C1RL: variants seen among roughly 807,000 people sequenced by gnomAD.
The protein encoded by C1RL is complement C1r subcomponent like, also known as complement C1r subcomponent-like protein.
Under a neutral mutation model 27.9 loss-of-function variants are expected in C1RL, and 27 were observed. That is an observed-to-expected ratio of 0.97 (90% CI 0.71 to 1.33). The LOEUF (loss-of-function observed/expected upper bound fraction) is 1.33. Ranked by LOEUF, C1RL falls within the 40% of genes most tolerant of loss-of-function variation. The pLI is 0.00. For missense variants in C1RL, 563 were observed against 623.9 expected (o/e 0.90, Z 1.04); for synonymous variants, 248 against 252.1 (o/e 0.98, Z 0.15).
At position 7,101,848 on chromosome 12, in the gene C1RL, A is replaced by G. The variant is rs751466681; in HGVS notation, c.490+50T>C. ...CTTAAGGCTTGAAGATACCAGGGTC[A>G]TGGCTGGGAACAGAGGCTCCCTCCC... On this transcript the variant is annotated intron_variant, in intron 3 of 5. Transcript: ENST00000266542. 4 of 1,578,666 alleles carry G rather than the reference A, an allele frequency of 2.5e-6. No individual in the cohort carries two copies. In the Admixed American group the frequency reaches 5.0e-5, roughly 20 times the overall value.
rs1478815767 is a variant in C1RL, at chr12:7,095,613, A to T, written c.*778T>A. On this transcript the variant is annotated 3_prime_UTR_variant, in exon 6 of 6. Transcript: ENST00000266542. ...TTCGCAGAAGCAGGAATTCCCAGGG[A>T]GGGAAAATGGTAAGGATGTGGGGGC... is the stretch of plus-strand genomic sequence containing the variant. 3 of 985,826 alleles carry T rather than the reference A, an allele frequency of 3.0e-6. No homozygotes were observed. Among genetic ancestry groups the T allele is most frequent in the Non-Finnish European group, 3.6e-6 (3 of 830,292 alleles). The allele number at this position is 985,826 out of a possible 1,614,324, so 61.1% of individuals were successfully genotyped here. A position where few individuals can be genotyped will look rare whatever the true frequency, so the allele number is the denominator to read the frequency against.
Position 7,096,268 on chromosome 12 carries a change from G to T in C1RL, c.*123C>A. 3 of 1,415,484 alleles carry T rather than the reference G, an allele frequency of 2.1e-6. No individual in the cohort carries two copies. Among genetic ancestry groups the T allele is most frequent in the Non-Finnish European group, 2.8e-6 (3 of 1,088,658 alleles). The allele number at this position is 1,415,484 out of a possible 1,614,324, so 87.7% of individuals were successfully genotyped here. A position where few individuals can be genotyped will look rare whatever the true frequency, so the allele number is the denominator to read the frequency against. ...CTTGGTGCAACAGTGATGTGAATAG[G>T]ATTTCCCTGCCTCCCCCAACCCCCC... On this transcript the variant is annotated 3_prime_UTR_variant, in exon 6 of 6. Coordinates refer to ENST00000266542, the MANE Select transcript of C1RL (RefSeq NM_016546.4).
intron 2 of C1RL, among the ~76,000 whole-genome samples, chr12:7,103,954 G>A (rs1938693950): frequency 6.6e-6 from 1 of 152,188 alleles, no homozygotes; most frequent in African/African-American, 2.4e-5. Flanking sequence ...ATAAATGCAT[G>A]CATATATTTC....
rs774237274 is a variant in C1RL at position 7,099,742 on chromosome 12, G to A, written c.635C>T (p.Thr212Ile). 1.3e-6 allele frequency: 2 copies of A among 1,575,638 alleles called. No homozygotes were observed. The highest frequency in any genetic ancestry group is 2.3e-5 in the East Asian group (1 of 43,460). Residue 212 changes from threonine to isoleucine, a missense_variant, in exon 5 of 6, where the codon ACC (threonine) becomes ATC (isoleucine). By Grantham distance (89) the Thr-to-Ile change is moderately conservative. Coordinates refer to ENST00000266542, the MANE Select transcript of C1RL (RefSeq NM_016546.4). ...CTGTCTGTCTTTCCAGGTCCCTGGG[G>A]TTGCACAGGTGAGTGCCCCTGTGGC... ...AAAAGALTCA[T>I]PGTWKDRQDG... is the part of the protein sequence containing the mutation.
chr12:7,106,222 C>T (rs1187500274), intron 2 of C1RL, among the ~76,000 whole-genome samples: 1 of 151,888 alleles, frequency 6.6e-6, no homozygotes, highest in Non-Finnish European at 1.5e-5. Context: ...AACTTCTTAA[C>T]AAAGTCTAGA....
intron 3 of C1RL, among the ~76,000 whole-genome samples, chr12:7,100,314 T>C (rs1938580823): frequency 6.6e-6 from 1 of 152,206 alleles, no homozygotes; most frequent in Non-Finnish European, 1.5e-5. Context: ...AAATTTAAAA[T>C]GCAAATATTT....
chr12:7,108,976 TGTGTGTGTGTGTGGGG>T lies in C1RL; in HGVS notation c.71+118_71+133del, dbSNP rs1163049686. 5.0e-3 allele frequency: 1,077 copies of T among 215,464 alleles called. 25 individuals are homozygous for T. Among genetic ancestry groups the T allele is most frequent in the African/African-American group, 4.6e-3 (46 of 9,984 alleles). The allele number at this position is 215,464 out of a possible 1,614,324, so 13.3% of individuals were successfully genotyped here. A position where few individuals can be genotyped will look rare whatever the true frequency, so the allele number is the denominator to read the frequency against. The stretch of plus-strand genomic sequence containing the variant: ...TGTGTATGTGGGGGAGGTGTGTGTG[TGTGTGTGTGTGTGGGG>T]GGGGGGGGGATGTGTGTGTGGGGGG... On this transcript the variant is annotated intron_variant, in intron 1 of 5. Transcript: ENST00000266542.
At chr12:7,101,867 C>T in intron 3 of C1RL, 31 bp downstream of exon 3, 1 of 1,607,614 alleles carries the variant, frequency 6.2e-7, no homozygotes, top group Non-Finnish European at 8.5e-7. Context: ...AACAGAGGCT[C>T]CCTCCCTGCA....
At chr12:7,097,676 C>G (rs1057177924) in intron 5 of C1RL, among the ~76,000 whole-genome samples, 1 of 152,202 alleles carries the variant, frequency 6.6e-6, no homozygotes, top group Non-Finnish European at 1.5e-5. Context: ...GGGCACCCAT[C>G]CTGCATGGGA....
chr12:7,097,055 C>A lies in C1RL; in HGVS notation c.800G>T (p.Arg267Leu), dbSNP rs1051317100. The A allele has an allele frequency of 1.2e-6, 2 of 1,614,136 alleles. No homozygotes were observed. Among genetic ancestry groups the A allele is most frequent in the African/African-American group, 2.7e-5 (2 of 75,022 alleles). ...GTCCCCCAGCAGGGCCCCGCCCCCA[C>A]GGCCGTGGATACTGGTGAAGGCTTG... ...PWQAFTSIHG[R>L]GGGALLGDRW... The change falls in exon 6 of 6, where the codon CGT (arginine) becomes CTT (leucine). Residue 267 changes from arginine (R) to leucine (L), a missense_variant. Transcript: ENST00000266542.
chr12:7,096,044 A>T lies in C1RL; in HGVS notation c.*347T>A. 9.4e-7 allele frequency: 1 copy of T among 1,059,976 alleles called. No individual in the cohort carries two copies. Among genetic ancestry groups the T allele is most frequent in the Non-Finnish European group, 1.1e-6 (1 of 878,748 alleles). 65.7% of individuals were successfully genotyped at this position (1,059,976 alleles called of 1,614,324 possible). On this transcript the variant is annotated 3_prime_UTR_variant, in exon 6 of 6. Coordinates refer to ENST00000266542, the MANE Select transcript of C1RL (RefSeq NM_016546.4). The stretch of plus-strand genomic sequence containing the variant: ...GTAGCTGACTCTTCCACAGGTGAGT[A>T]TAAAAGCTGTGTCAACAGATGAAGT...
chr12:7,096,598 C>CAT lies in C1RL; in HGVS notation c.1255_1256dup (p.Met419IlefsTer43). The CAT allele has an allele frequency of 5.6e-6, 9 of 1,614,160 alleles. No individual in the cohort carries two copies. Among genetic ancestry groups the CAT allele is most frequent in the Non-Finnish European group, 7.6e-6 (9 of 1,180,038 alleles). On this transcript the variant is annotated frameshift_variant, in exon 6 of 6. Transcript: ENST00000266542. LOFTEE classifies it low-confidence loss of function (END_TRUNC). ...TTTGCGTCTCATCCCCAACACAGAA[C>CAT]ATATTGTCAGAAAACACCTCGGGTC...
chr12:7,096,280 T>TGGGCCCCCCC lies in C1RL; in HGVS notation c.*110_*111insGGGGGGGCCC. 7.1e-6 allele frequency: 7 copies of TGGGCCCCCCC among 992,710 alleles called. No individual in the cohort carries two copies. Among genetic ancestry groups the TGGGCCCCCCC allele is most frequent in the African/African-American group, 2.4e-5 (1 of 40,974 alleles). The allele number at this position is 992,710 out of a possible 1,614,324, so 61.5% of individuals were successfully genotyped here. On this transcript the variant is annotated 3_prime_UTR_variant, in exon 6 of 6. Transcript: ENST00000266542. ...GTGATGTGAATAGGATTTCCCTGCCTCCCCCAACCCCCCACCCCCAACCCC... is the reference window on the plus strand; with the variant it reads ...GTGATGTGAATAGGATTTCCCTGCCTGGGCCCCCCCCCCCCAACCCCCCACCCCCAACCCC...
Position 7,104,606 on chromosome 12 carries a change from C to T in C1RL, c.301-2519G>A, listed in dbSNP as rs116742926. ...GTGAGTGAGTATGAGTGTGTGAGTG[C>T]GTCCTGAAACAGGATGGTGTCCTGT... On this transcript the variant is annotated intron_variant, in intron 2 of 5. Transcript: ENST00000266542. The surrounding 1 kb of genome is among the most constrained non-coding windows in gnomAD (Gnocchi z 5.4). Among the ~76,000 whole-genome samples the T allele has an allele frequency of 7.6e-3, 1,151 of 152,286 alleles. 7 individuals carry two copies. The highest frequency in any genetic ancestry group is 0.027 in the Middle Eastern group (8 of 294).
Position 7,096,853 on chromosome 12 carries a change from A to C in C1RL, c.1002T>G (p.His334Gln). The C allele has an allele frequency of 6.2e-7, 1 of 1,602,986 alleles. No homozygotes were observed. The highest frequency in any genetic ancestry group is 8.5e-7 in the Non-Finnish European group (1 of 1,173,768). ...VHPDYRQNESHNFSGDIALLE... is the reference protein window; with the variant it reads ...VHPDYRQNESQNFSGDIALLE... ...GGAGGGCGATGTCCCCGCTAAAGTT[A>C]TGGGACTCATTCTGACGGTAGTCGG... The change falls in exon 6 of 6, where the codon CAT (histidine) becomes CAG (glutamine). Residue 334 changes from histidine (H) to glutamine (Q), a missense_variant. Physicochemically the swap from His to Gln is conservative, Grantham distance 24. Transcript: ENST00000266542.
At position 7,096,960 on chromosome 12, in the gene C1RL, C is replaced by T. The variant is rs753727531; in HGVS notation, c.895G>A (p.Val299Met). 1 of 1,613,640 alleles carries T rather than the reference C, an allele frequency of 6.2e-7. No homozygotes were observed. The highest frequency in any genetic ancestry group is 8.5e-7 in the Non-Finnish European group (1 of 1,179,692). The change falls in exon 6 of 6, where the codon GTG (valine) becomes ATG (methionine). Residue 299 changes from valine to methionine, a missense_variant. Physicochemically the swap from Val to Met is conservative, Grantham distance 21. Coordinates refer to ENST00000266542, the MANE Select transcript of C1RL (RefSeq NM_016546.4). ...GCTGTGTGGCCCAAGAACACATTCA[C>T]ACTCTGGTTCTTCCTGAGAGAAACA... is the stretch of plus-strand genomic sequence containing the variant. ...DSVSLRKNQS[V>M]NVFLGHTAID...
Position 7,096,307 on chromosome 12 carries a change from A to ACC in C1RL, c.*82_*83dup. ...CCCCAACCCCCCACCCCCAACCCCTACCCCAGTGTTCAGTCCTCACTCCAG... is the reference window on the plus strand; with the variant it reads ...CCCCAACCCCCCACCCCCAACCCCTACCCCCCAGTGTTCAGTCCTCACTCCAG... On this transcript the variant is annotated 3_prime_UTR_variant, in exon 6 of 6. Transcript: ENST00000266542. 1.5e-6 allele frequency: 1 copy of ACC among 661,578 alleles called. No individual in the cohort carries two copies. Among genetic ancestry groups the ACC allele is most frequent in the Non-Finnish European group, 1.8e-6 (1 of 569,312 alleles). The allele number at this position is 661,578 out of a possible 1,614,324, so 41.0% of individuals were successfully genotyped here. A position where few individuals can be genotyped will look rare whatever the true frequency, so the allele number is the denominator to read the frequency against.
chr12:7,099,384 A>C (rs1448572378), intron 5 of C1RL: 4 of 843,764 alleles, frequency 4.7e-6, no homozygotes, highest in Non-Finnish European at 5.7e-6. Flanking sequence ...ATATCCTTAA[A>C]ATGTATGGCA....
rs778456831 is a variant in C1RL, at chr12:7,096,801, C to A, written c.1054G>T (p.Gly352Cys). 1.9e-6 allele frequency: 3 copies of A among 1,605,374 alleles called. No individual in the cohort carries two copies. Among genetic ancestry groups the A allele is most frequent in the Non-Finnish European group, 2.6e-6 (3 of 1,175,232 alleles). The change falls in exon 6 of 6, where the codon GGC becomes TGC. Residue 352 changes from glycine (G) to cysteine (C), a missense_variant. By Grantham distance (159) the Gly-to-Cys change is radical. Coordinates refer to ENST00000266542, the MANE Select transcript of C1RL (RefSeq NM_016546.4). ...AGACAGACCGGGAGGACGTTGGGGC[C>A]CAGGGGGATGCTGTGCTGCAGCTCC... ...LLELQHSIPL[G>C]PNVLPVCLPD...
Sources: gnomAD v4.1 joint callset for allele counts (sites outside exome capture counted in the v4.1 genomes callset) on GRCh38, gnomAD v4.1.1 for gene constraint, Gnocchi (gnomAD v3.1) non-coding constraint, MANE v1.5 for transcripts, NCBI Gene and HGNC (gene_info 2026-07-23, HGNC 2026-07-21) for gene names.